The following MCC variants were observed in gnomAD, a reference collection of about 807,000 sequenced individuals.
MCC encodes the protein MCC regulator of Wnt signaling pathway.
Under a neutral mutation model 116.2 loss-of-function variants are expected in MCC, and 90 were observed. The observed-to-expected ratio is 0.77, with a 90% CI of 0.65 to 0.92. MCC has a LOEUF of 0.92. Ranked by LOEUF, MCC falls within the 40% of genes least tolerant of loss-of-function variation. MCC has a pLI of 0.00. For synonymous variants in MCC, 578 were observed against 510.5 expected (o/e 1.13, Z -1.78); for missense variants, 1,516 against 1,312.2 (o/e 1.16, Z -2.40).
At chr5:113,060,186 C>T (rs568662421) in intron 14 of MCC, among the ~76,000 whole-genome samples, 66 of 152,266 alleles carry the variant, frequency 4.3e-4, no homozygotes, top group African/African-American at 1.1e-3. Flanking sequence ...GACAGAGTCT[C>T]ACTCTGTTGC....
In MCC at chr5:113,101,809, T is replaced by A. The variant is rs1469344879; in HGVS notation, c.1328A>T (p.Glu443Val). The change falls in exon 8 of 19, where the codon GAG (glutamate) becomes GTG (valine). Residue 443 changes from glutamate (E) to valine (V), a missense_variant. Glu to Val is a moderately radical substitution (Grantham distance 121). Transcript: ENST00000408903. ...ESLTAMLCSK[E>V]EELNRTKATM... is the part of the protein sequence containing the mutation. ...GGCCTTAGTCCGGTTCAGTTCTTCC[T>A]CTTTGCTGCACAGCATGGCAGTCAG... 1 of 1,613,534 alleles carries A rather than the reference T, an allele frequency of 6.2e-7. No homozygotes were observed.
At chr5:113,143,485 T>C in intron 4 of MCC, 125 bp from the exon 5 acceptor site, 2 of 993,010 alleles carry the variant, frequency 2.0e-6, no homozygotes, top group Admixed American at 2.6e-5. Flanking sequence ...ATAAAATGTA[T>C]GTCAGCTCAT....
intron 3 of MCC, among the ~76,000 whole-genome samples, chr5:113,222,719 C>T (rs1284598392): frequency 1.3e-5 from 2 of 152,126 alleles, no homozygotes; most frequent in South Asian, 4.2e-4. Flanking sequence ...TGTTGTTTGA[C>T]TTATGGGGCA....
At chr5:113,238,853 C>G (rs1381938111) in intron 3 of MCC, among the ~76,000 whole-genome samples, 1 of 152,152 alleles carries the variant, frequency 6.6e-6, no homozygotes, top group Non-Finnish European at 1.5e-5. Context: ...TTGTTTAGAA[C>G]TTAAAACATA....
intron 5 of MCC, among the ~76,000 whole-genome samples, chr5:113,131,830 G>A (rs1227082118): frequency 6.6e-6 from 1 of 152,134 alleles, no homozygotes; most frequent in African/African-American, 2.4e-5. Flanking sequence ...TAGTTCCCAG[G>A]CCCTCTTTGA....
Position 113,196,665 on chromosome 5 carries a change from C to T in MCC, c.628-45243G>A, listed in dbSNP as rs151242031. ...GAGATCGAGACCATCCTGGCTAACA[C>T]GGTGAAACCCCATCTCTATTAAAAA... On this transcript the variant is annotated intron_variant, in intron 3 of 18. Transcript: ENST00000408903. 2.2e-3 allele frequency among the ~76,000 whole-genome samples: 339 copies of T among 152,220 alleles called. 2 individuals are homozygous for T. In the Middle Eastern group the frequency reaches 0.031, roughly 14 times the overall value.
chr5:113,104,002 T>C (rs13356288), intron 7 of MCC, among the ~76,000 whole-genome samples, 190 bp downstream of exon 7: 3 of 152,134 alleles, frequency 2.0e-5, no homozygotes, highest in Non-Finnish European at 4.4e-5. Context: ...CATGACTTTT[T>C]CTGAAATAAA....
intron 11 of MCC, among the ~76,000 whole-genome samples, chr5:113,072,874 G>A (rs938644607): frequency 7.2e-5 from 11 of 152,048 alleles, no homozygotes; most frequent in African/African-American, 2.4e-4. Flanking sequence ...TCCTTTTGCT[G>A]TCACATTGCC....
At chr5:113,325,916 T>C (rs540411375) in intron 3 of MCC, among the ~76,000 whole-genome samples, 1 of 152,246 alleles carries the variant, frequency 6.6e-6, no homozygotes, top group East Asian at 1.9e-4. Context: ...ATCTGAACTC[T>C]GGAAAACCAA....
At chr5:113,147,932 A>G (rs1759624673) in intron 4 of MCC, among the ~76,000 whole-genome samples, 1 of 152,248 alleles carries the variant, frequency 6.6e-6, no homozygotes, top group African/African-American at 2.4e-5. Flanking sequence ...TCTCTTCCTG[A>G]ATGCCAAGAG....
At position 113,038,416 on chromosome 5, in the gene MCC, T is replaced by G. The variant is rs181350417; in HGVS notation, c.2756+5114A>C. Among the ~76,000 whole-genome samples the G allele has an allele frequency of 5.2e-4, 79 of 151,216 alleles. 1 individual carries two copies. The East Asian group carries it at 0.014, about 28-fold the overall frequency. ...GGGGACTGAGGGTTAAGGAGGGGAGTTGGGGGTAGAACCAGGCATATTAAG... is the reference window on the plus strand; with the variant it reads ...GGGGACTGAGGGTTAAGGAGGGGAGGTGGGGGTAGAACCAGGCATATTAAG... On this transcript the variant is annotated intron_variant, in intron 17 of 18. Transcript: ENST00000408903.
At chr5:113,297,391 C>A (rs1435317993) in intron 3 of MCC, among the ~76,000 whole-genome samples, 1 of 151,754 alleles carries the variant, frequency 6.6e-6, no homozygotes. Context: ...ATGGTGATAC[C>A]CTGTCTCTAA....
intron 1 of MCC, among the ~76,000 whole-genome samples, chr5:113,455,772 T>C (rs576702963): frequency 3.1e-4 from 47 of 152,300 alleles, no homozygotes; most frequent in African/African-American, 1.0e-3. Flanking sequence ...AGACTATAAA[T>C]AGACTCTGGT....
chr5:113,111,634 G>A (rs1030557046), intron 6 of MCC, among the ~76,000 whole-genome samples: 8 of 152,092 alleles, frequency 5.3e-5, no homozygotes, highest in Non-Finnish European at 8.8e-5. Context: ...ATTCACTAAC[G>A]TTTCAGTGAC....
intron 5 of MCC, among the ~76,000 whole-genome samples, chr5:113,141,398 G>A (rs1347910300): frequency 6.6e-6 from 1 of 152,176 alleles, no homozygotes; most frequent in Non-Finnish European, 1.5e-5. Context: ...ATAATCACAT[G>A]AGCCAATCTT....
At chr5:113,278,810 G>A (rs1437426954) in intron 3 of MCC, among the ~76,000 whole-genome samples, 1 of 152,146 alleles carries the variant, frequency 6.6e-6, no homozygotes, top group Non-Finnish European at 1.5e-5. Context: ...CCAAACAAAT[G>A]CTTTCAAAGT....
chr5:113,097,465 G>C (rs1324533650), intron 8 of MCC, among the ~76,000 whole-genome samples: 1 of 151,980 alleles, frequency 6.6e-6, no homozygotes, highest in African/African-American at 2.4e-5. Context: ...TATTTTTCTG[G>C]TCTATTTTCA....
intron 6 of MCC, among the ~76,000 whole-genome samples, chr5:113,107,495 G>A (rs1474789203): frequency 6.6e-6 from 1 of 152,054 alleles, no homozygotes; most frequent in East Asian, 1.9e-4. Context: ...GAGCTGCTAA[G>A]AACTAGGATG....
At chr5:113,153,204 A>T (rs1281191841) in intron 3 of MCC, among the ~76,000 whole-genome samples, 1 of 152,186 alleles carries the variant, frequency 6.6e-6, no homozygotes, top group Non-Finnish European at 1.5e-5. Flanking sequence ...CATGTTCTTG[A>T]AGAAATTGAG....
Sources: gnomAD v4.1 joint callset for allele counts (sites outside exome capture counted in the v4.1 genomes callset) on GRCh38, gnomAD v4.1.1 for gene constraint, MANE v1.5 for transcripts, NCBI Gene and HGNC (gene_info 2026-07-23, HGNC 2026-07-21) for gene names.